The following DCDC1 variants were observed in gnomAD, a reference collection of about 807,000 sequenced individuals.
DCDC1 encodes the protein doublecortin domain containing 1.
DCDC1 carries 200 observed loss-of-function variants against 178.3 expected under a neutral mutation model. The ratio of observed to expected loss-of-function variants is 1.12; its 90% confidence interval spans 1.00 to 1.26. The LOEUF is 1.26. Among genes scored for constraint, DCDC1 ranks in the 50% most tolerant of loss-of-function variants. DCDC1 has a pLI of 0.00. For missense variants in DCDC1, 1,983 were observed against 1,749.2 expected, an observed-to-expected ratio of 1.13 and a Z score of -2.38; for synonymous variants, 690 against 604.8, an observed-to-expected ratio of 1.14 and a Z score of -2.07.
intron 1 of DCDC1, among the ~76,000 whole-genome samples, chr11:31,343,592 C>T (rs750333317): frequency 1.2e-4 from 18 of 151,984 alleles, no homozygotes; most frequent in Admixed American, 8.5e-4. Flanking sequence ...CAGCCATGAG[C>T]GACCACACCC....
chr11:30,957,769 T>C (rs1156777951), intron 20 of DCDC1, among the ~76,000 whole-genome samples: 1 of 152,164 alleles, frequency 6.6e-6, no homozygotes, highest in African/African-American at 2.4e-5. Context: ...GGTGTGGTAA[T>C]ATCCTTCATG....
chr11:30,970,973 G>A (rs942579583), intron 20 of DCDC1, among the ~76,000 whole-genome samples: 1 of 152,148 alleles, frequency 6.6e-6, no homozygotes, highest in African/African-American at 2.4e-5. Flanking sequence ...AGAGGCCTGA[G>A]GTTGGGCCCA....
chr11:31,367,859 G>A (rs1330257790), intron 1 of DCDC1, among the ~76,000 whole-genome samples: 1 of 152,166 alleles, frequency 6.6e-6, no homozygotes. Context: ...ATTGTTTTAA[G>A]AAGTTTATTT....
intron 20 of DCDC1, among the ~76,000 whole-genome samples, chr11:30,959,682 C>T (rs930195318): frequency 6.6e-6 from 1 of 152,144 alleles, no homozygotes; most frequent in East Asian, 1.9e-4. Flanking sequence ...AAAAGGTCCT[C>T]GGAGGATCAG....
chr11:31,013,170 T>C (rs1211325376), intron 20 of DCDC1, among the ~76,000 whole-genome samples: 2 of 152,066 alleles, frequency 1.3e-5, no homozygotes, highest in Non-Finnish European at 2.9e-5. Context: ...TTTAATTCAC[T>C]GTTTGTCCTT....
At chr11:30,880,763 T>G (rs1231124205) in intron 37 of DCDC1, among the ~76,000 whole-genome samples, 1 of 152,152 alleles carries the variant, frequency 6.6e-6, no homozygotes. Context: ...TATTTACTTA[T>G]TACTAAAGAA....
At chr11:31,038,423 C>G (rs1954222447) in intron 20 of DCDC1, among the ~76,000 whole-genome samples, 1 of 152,056 alleles carries the variant, frequency 6.6e-6, no homozygotes, top group African/African-American at 2.4e-5. Flanking sequence ...GTAACTTCAA[C>G]TTTTTGTGCA....
At chr11:31,198,539 A>G (rs1288622755) in intron 9 of DCDC1, among the ~76,000 whole-genome samples, 1 of 152,082 alleles carries the variant, frequency 6.6e-6, no homozygotes, top group Non-Finnish European at 1.5e-5. Flanking sequence ...GCAGGGAGCT[A>G]AACCTCTGCC....
At chr11:31,315,620 G>C (rs1337324335) in intron 3 of DCDC1, among the ~76,000 whole-genome samples, 1 of 148,514 alleles carries the variant, frequency 6.7e-6, no homozygotes, top group Non-Finnish European at 1.5e-5. Context: ...ACAGGCGTGA[G>C]CCACCATGCC....
chr11:30,914,284 C>A (rs533438042), intron 27 of DCDC1, among the ~76,000 whole-genome samples: 2 of 152,376 alleles, frequency 1.3e-5, no homozygotes, highest in African/African-American at 4.8e-5. Flanking sequence ...GTTCTCCTTG[C>A]CGGAGGCTTT....
chr11:31,155,835 G>C (rs538797742), intron 9 of DCDC1: 3 of 152,324 alleles, frequency 2.0e-5, no homozygotes, highest in African/African-American at 7.2e-5. Context: ...GGAGACATTA[G>C]AGTCACCTCG....
intron 9 of DCDC1, among the ~76,000 whole-genome samples, chr11:31,218,173 TTTAA>T (rs2136640014): frequency 1.3e-5 from 2 of 152,210 alleles, no homozygotes; most frequent in East Asian, 3.9e-4. Context: ...TACAGATTTT[TTTAA>T]TTAATGAGAA....
chr11:31,327,243 A>G (rs1591768329), intron 3 of DCDC1, among the ~76,000 whole-genome samples: 1 of 152,080 alleles, frequency 6.6e-6, no homozygotes, highest in Non-Finnish European at 1.5e-5. Flanking sequence ...ATCTTGGCTC[A>G]CCGCAACCTC....
chr11:31,189,120 A>T (rs903748981), intron 9 of DCDC1, among the ~76,000 whole-genome samples: 1 of 152,120 alleles, frequency 6.6e-6, no homozygotes, highest in Non-Finnish European at 1.5e-5. Context: ...GTTGTTTATA[A>T]ATTACTCAGT....
At chr11:31,199,370 G>A (rs1971041173) in intron 9 of DCDC1, among the ~76,000 whole-genome samples, 1 of 152,050 alleles carries the variant, frequency 6.6e-6, no homozygotes, top group Non-Finnish European at 1.5e-5. Context: ...AAGGAAATTT[G>A]GAGAGGATCA....
At chr11:31,149,621 T>C (rs1964936692) in intron 9 of DCDC1, among the ~76,000 whole-genome samples, 1 of 152,004 alleles carries the variant, frequency 6.6e-6, no homozygotes, top group Non-Finnish European at 1.5e-5. Context: ...GCACTAACTT[T>C]ATGAGCCATA....
intron 18 of DCDC1, among the ~76,000 whole-genome samples, chr11:31,070,524 T>C (rs981957454): frequency 1.3e-5 from 2 of 152,184 alleles, no homozygotes; most frequent in Non-Finnish European, 2.9e-5. Context: ...CAACTTCAAA[T>C]AGCACATACT....
rs540239207 is a variant in DCDC1, at chr11:31,345,987, C to A, written c.-124-10423G>T. On this transcript the variant is annotated intron_variant, in intron 1 of 38. Transcript: ENST00000684477. Reference sequence around the variant, plus strand: ...ATCTGACTGATATACTATTGATTCACATTAATGTCACTAAAATAGGACAAC... The same window carrying A: ...ATCTGACTGATATACTATTGATTCAAATTAATGTCACTAAAATAGGACAAC... Among the ~76,000 whole-genome samples the A allele has an allele frequency of 2.0e-5, 3 of 152,238 alleles. No homozygotes were observed. The South Asian group carries it at 6.2e-4, about 32-fold the overall frequency.
At chr11:31,157,262 A>T (rs1251533538) in intron 9 of DCDC1, among the ~76,000 whole-genome samples, 1 of 150,354 alleles carries the variant, frequency 6.7e-6, no homozygotes, top group East Asian at 2.0e-4. Flanking sequence ...ATGGTAGCAC[A>T]CACCTGTAGT....
Sources: allele counts gnomAD v4.1 joint callset (sites outside exome capture counted in the v4.1 genomes callset), GRCh38; gene constraint gnomAD v4.1.1; transcripts MANE v1.5; gene names NCBI Gene and HGNC (gene_info 2026-07-23, HGNC 2026-07-21).